The following PAX7 variants were observed in gnomAD, a reference collection of about 807,000 sequenced individuals.
The protein encoded by PAX7 is paired box protein Pax-7.
A neutral mutation model predicts 50.7 loss-of-function variants in PAX7; 18 were observed. That is an observed-to-expected ratio of 0.36 (90% confidence interval 0.25 to 0.53). PAX7 has a LOEUF of 0.53. Ranked by LOEUF, PAX7 falls within the 20% of genes least tolerant of loss-of-function variation. The pLI is 0.93. For synonymous variants in PAX7, 310 were observed against 290.4 expected (o/e 1.07, Z -0.69); for missense variants, 644 against 702.9 (o/e 0.92, Z 0.95).
intron 2 of PAX7, 46 bp from the exon 3 acceptor site, chr1:18,635,065 C>T (rs1024447151): frequency 3.7e-6 from 6 of 1,605,130 alleles, no homozygotes; most frequent in African/African-American, 1.3e-5. Flanking sequence ...TTTTCCTCCC[C>T]CCATCCCATC....
intron 4 of PAX7, among the ~76,000 whole-genome samples, chr1:18,684,442 C>T (rs982437029): frequency 2.6e-5 from 4 of 152,214 alleles, no homozygotes; most frequent in Non-Finnish European, 5.9e-5. Context: ...CAAGCCCCTG[C>T]CTCTCAGTCT....
chr1:18,662,275 T>C (rs2088611037), intron 4 of PAX7, among the ~76,000 whole-genome samples: 1 of 152,176 alleles, frequency 6.6e-6, no homozygotes, highest in African/African-American at 2.4e-5. Flanking sequence ...GCTTTGGTGA[T>C]CTTGCCTTCA....
chr1:18,636,180 C>A lies in PAX7; in HGVS notation c.452-57C>A. On this transcript the variant is annotated intron_variant, in intron 3 of 8. Transcript: ENST00000420770. This position sits in a 1 kb window ranked among gnomAD's most constrained non-coding sequence, Gnocchi z 5.1. ...ACTTTCTCCCAGGGGCCCAGGCCAC[C>A]GCTCGCTCCTCTGCTCCAACAACTT... 6.3e-7 allele frequency: 1 copy of A among 1,581,204 alleles called. No individual in the cohort carries two copies. Among genetic ancestry groups the A allele is most frequent in the Non-Finnish European group, 8.6e-7 (1 of 1,160,116 alleles).
chr1:18,643,675 C>T (rs2088293832), intron 4 of PAX7, among the ~76,000 whole-genome samples: 1 of 152,204 alleles, frequency 6.6e-6, no homozygotes, highest in Admixed American at 6.5e-5. Context: ...AGGAGGCGGG[C>T]GAGCCGCGGC....
chr1:18,744,061 T>C (rs1415194336), intron 8 of PAX7, among the ~76,000 whole-genome samples: 1 of 152,130 alleles, frequency 6.6e-6, no homozygotes, highest in Non-Finnish European at 1.5e-5. Flanking sequence ...GAGCTGTAGG[T>C]CTCAGCTCCC....
At chr1:18,742,901 C>T (rs1931225869) in intron 8 of PAX7, among the ~76,000 whole-genome samples, 1 of 152,156 alleles carries the variant, frequency 6.6e-6, no homozygotes, top group South Asian at 2.1e-4. Context: ...TAGCAGCAGC[C>T]CTGGAGGAGG....
At chr1:18,724,562 A>G (rs2089534037) in intron 7 of PAX7, among the ~76,000 whole-genome samples, 1 of 152,128 alleles carries the variant, frequency 6.6e-6, no homozygotes, top group African/African-American at 2.4e-5. Context: ...CAAACACCTT[A>G]GTCATCCTGC....
intron 4 of PAX7, among the ~76,000 whole-genome samples, chr1:18,645,846 C>A (rs2088329652): frequency 6.6e-6 from 1 of 152,162 alleles, no homozygotes; most frequent in Non-Finnish European, 1.5e-5. Context: ...TGGAAGCCTG[C>A]AGAAGCACCT....
At chr1:18,709,038 C>A (rs1570205952) in intron 7 of PAX7, among the ~76,000 whole-genome samples, 1 of 152,166 alleles carries the variant, frequency 6.6e-6, no homozygotes, top group African/African-American at 2.4e-5. Context: ...GTGCTGGAGG[C>A]TTCCTCAGGG....
rs148868593 is a variant in PAX7, at chr1:18,679,093, T to C, written c.587-12661T>C. 3.7e-4 allele frequency among the ~76,000 whole-genome samples: 56 copies of C among 152,276 alleles called. 1 individual carries two copies. The East Asian group carries it at 0.011, about 29-fold the overall frequency. On this transcript the variant is annotated intron_variant, in intron 4 of 8. Transcript: ENST00000420770. ...TAAGGTCAAAGCACACCAGCAGCGG[T>C]TTGAACGCTTCTTCTCTGTGGCCTT...
At position 18,634,447 on chromosome 1, in the gene PAX7, G is replaced by T; in HGVS notation, c.230G>T (p.Arg77Leu). 1 of 1,614,198 alleles carries T rather than the reference G, an allele frequency of 6.2e-7. No individual in the cohort carries two copies. The highest frequency in any genetic ancestry group is 1.3e-5 in the African/African-American group (1 of 75,062). Residue 77 changes from arginine to leucine, a missense_variant, in exon 2 of 9, where the codon CGT becomes CTT. Physicochemically the swap from Arg to Leu is moderately radical, Grantham distance 102. Transcript: ENST00000420770. This position sits in a 1 kb window ranked among gnomAD's most constrained non-coding sequence, Gnocchi z 4.0. Reference protein sequence around the residue: ...IRPCVISRQLRVSHGCVSKIL... With the variant: ...IRPCVISRQLLVSHGCVSKIL... ...CCCTGTGTCATCTCCCGACAGCTGCGTGTCTCCCACGGCTGCGTCTCCAAG... is the reference window on the plus strand; with the variant it reads ...CCCTGTGTCATCTCCCGACAGCTGCTTGTCTCCCACGGCTGCGTCTCCAAG...
At position 18,646,317 on chromosome 1, in the gene PAX7, G is replaced by C. The variant is rs1216376512; in HGVS notation, c.586+9946G>C. 2.6e-5 allele frequency among the ~76,000 whole-genome samples: 4 copies of C among 152,190 alleles called. No homozygotes were observed. The East Asian group carries it at 7.8e-4, about 30-fold the overall frequency. On this transcript the variant is annotated intron_variant, in intron 4 of 8. Coordinates refer to ENST00000420770, the MANE Select transcript of PAX7 (RefSeq NM_001135254.2). The stretch of plus-strand genomic sequence containing the variant: ...CTGGTGGCCTGGTGGCCCATACAGG[G>C]GACACAGAGAGGTTTGCCCAGAGCT...
At chr1:18,649,016 C>G (rs1570120631) in intron 4 of PAX7, among the ~76,000 whole-genome samples, 1 of 152,182 alleles carries the variant, frequency 6.6e-6, no homozygotes, top group Non-Finnish European at 1.5e-5. Context: ...GAGCCCGTGA[C>G]TGGCTGCTAG....
rs1931558175 is a variant in PAX7, at chr1:18,748,842, T to A, written c.*3913T>A. The A allele has an allele frequency of 9.8e-6, 2 of 204,572 alleles. No individual in the cohort carries two copies. Among genetic ancestry groups the A allele is most frequent in the Non-Finnish European group, 2.0e-5 (2 of 99,954 alleles). The allele number at this position is 204,572 out of a possible 1,614,324, so 12.7% of individuals were successfully genotyped here. On this transcript the variant is annotated 3_prime_UTR_variant, in exon 9 of 9. Transcript: ENST00000420770. ...TCCTCTGTAACTCAGGCGTAACTGT[T>A]ATACATTAAAAGAAATTAAAAGCAT...
chr1:18,637,848 G>GCGAGCTGTGCCGGGCGC (rs2088187235), intron 4 of PAX7, among the ~76,000 whole-genome samples: 1 of 152,222 alleles, frequency 6.6e-6, no homozygotes, highest in African/African-American at 2.4e-5. Flanking sequence ...AAGAAAGGGA[G>GCGAGCTGTGCCGGGCGC]CCAGCTGTGC....
rs2088156898 is a variant in PAX7, at chr1:18,636,370, A to C, written c.585A>C (p.Lys195Asn). Residue 195 changes from lysine to asparagine, a missense_variant and splice_region_variant, in exon 4 of 9, where the codon AAA becomes AAC. By Grantham distance (94) the Lys-to-Asn change is moderately conservative. Coordinates refer to ENST00000420770, the MANE Select transcript of PAX7 (RefSeq NM_001135254.2). This position sits in a 1 kb window ranked among gnomAD's most constrained non-coding sequence, Gnocchi z 5.1. ...KHSIDGILGD[K>N]GNRLDEGSDV... ...GCATCGACGGCATCCTGGGCGACAA[A>C]GGTAGGGAACTTCCCTGGGCTGCGA... 6.2e-7 allele frequency: 1 copy of C among 1,614,050 alleles called. No homozygotes were observed. The highest frequency in any genetic ancestry group is 1.1e-5 in the South Asian group (1 of 91,082).
intron 7 of PAX7, among the ~76,000 whole-genome samples, chr1:18,712,008 T>A (rs2089357478): frequency 6.6e-6 from 1 of 152,172 alleles, no homozygotes; most frequent in South Asian, 2.1e-4. Flanking sequence ...AGGCTGCCCG[T>A]CCACTCTGCT....
intron 7 of PAX7, among the ~76,000 whole-genome samples, chr1:18,723,773 T>C (rs2089522922): frequency 6.6e-6 from 1 of 152,048 alleles, no homozygotes; most frequent in Admixed American, 6.5e-5. Flanking sequence ...ATAGCCAGGA[T>C]CTTGAGGTCC....
At position 18,748,675 on chromosome 1, in the gene PAX7, G is replaced by A. The variant is rs1349722863; in HGVS notation, c.*3746G>A. ...GAAGTGAGTGGGTGTACGTGAGGGT[G>A]TGAGTGGGGTGTGTGCGTGGGCGTG... On this transcript the variant is annotated 3_prime_UTR_variant, in exon 9 of 9. Coordinates refer to ENST00000420770, the MANE Select transcript of PAX7 (RefSeq NM_001135254.2). 4.3e-6 allele frequency: 1 copy of A among 232,174 alleles called. No homozygotes were observed. Among genetic ancestry groups the A allele is most frequent in the Non-Finnish European group, 8.5e-6 (1 of 117,410 alleles). 14.4% of individuals were successfully genotyped at this position (232,174 alleles called of 1,614,324 possible). A position where few individuals can be genotyped will look rare whatever the true frequency, so the allele number is the denominator to read the frequency against.
Sources: allele counts gnomAD v4.1 joint callset (sites outside exome capture counted in the v4.1 genomes callset), GRCh38; gene constraint gnomAD v4.1.1; non-coding constraint Gnocchi (gnomAD v3.1); transcripts MANE v1.5; gene names NCBI Gene and HGNC (gene_info 2026-07-23, HGNC 2026-07-21).